Variants in TNN observed in about 807,000 individuals in gnomAD.
TNN encodes tenascin-N.
TNN carries 122 observed loss-of-function variants against 134.4 expected under a neutral mutation model. The observed-to-expected ratio is 0.91, with a 90% CI of 0.78 to 1.06. TNN has a LOEUF of 1.06. TNN is among the 50% of genes least tolerant of loss of function. The probability of loss-of-function intolerance (pLI) is 0.00; values close to 1 mark genes in which losing one functional copy is unlikely to be tolerated. For synonymous variants in TNN, 710 were observed against 670.3 expected, an observed-to-expected ratio of 1.06 and a Z score of -0.91; for missense variants, 1,739 against 1,699.4, an observed-to-expected ratio of 1.02 and a Z score of -0.41.
chr1:175,127,285 C>A (rs1322374831), intron 13 of TNN, among the ~76,000 whole-genome samples, 200 bp downstream of exon 13: 1 of 152,224 alleles, frequency 6.6e-6, no homozygotes, highest in Non-Finnish European at 1.5e-5. Context: ...TTGTCTGTTT[C>A]ATTTATCACC....
chr1:175,111,486 CAAAAAAAAA>C (rs59538028), intron 9 of TNN, among the ~76,000 whole-genome samples: 1 of 62,512 alleles, frequency 1.6e-5, no homozygotes, highest in Non-Finnish European at 2.8e-5. Context: ...GACTCTGTCT[CAAAAAAAAA>C]AAAAAAAAAA....
At chr1:175,085,223 A>C (rs761026038) in intron 5 of TNN, among the ~76,000 whole-genome samples, 182 bp from the exon 6 acceptor site, 1 of 152,202 alleles carries the variant, frequency 6.6e-6, no homozygotes, top group Non-Finnish European at 1.5e-5. Flanking sequence ...AAGCCCCCTC[A>C]GTGACACCTC....
chr1:175,095,793 C>T (rs529310584), intron 7 of TNN, among the ~76,000 whole-genome samples: 59 of 152,180 alleles, frequency 3.9e-4, no homozygotes, highest in Non-Finnish European at 5.6e-4. Flanking sequence ...AGGCTGGTCT[C>T]GAACTCCTGA....
intron 1 of TNN, among the ~76,000 whole-genome samples, chr1:175,076,080 A>T (rs6703193): frequency 0.29 from 43,840 of 152,102 alleles, 8,022 homozygotes; most frequent in African/African-American, 0.52. Flanking sequence ...CCTGTGAGCA[A>T]AATGTGAGGT....
At chr1:175,097,818 T>C in intron 8 of TNN, 135 bp downstream of exon 8, 1 of 1,235,776 alleles carries the variant, frequency 8.1e-7, no homozygotes, top group Non-Finnish European at 1.1e-6. Context: ...GACTGAGCTC[T>C]CGTGGTGATG....
intron 1 of TNN, among the ~76,000 whole-genome samples, chr1:175,072,378 C>T (rs1673934384): frequency 2.0e-5 from 3 of 152,158 alleles, no homozygotes; most frequent in Non-Finnish European, 2.9e-5. Flanking sequence ...CATGTAAATG[C>T]CCTTCGCTTC....
chr1:175,080,377 C>T lies in TNN; in HGVS notation c.999C>T (p.Asn333=), dbSNP rs376474190. The change falls in exon 4 of 19, where the codon AAC becomes AAT. Residue 333 remains asparagine, a synonymous_variant. Coordinates refer to ENST00000239462, the MANE Select transcript of TNN (RefSeq NM_022093.2). ...CCAAGTACATAGTCACCCTGCGTAA[C>T]GTCAAGAATGAAGTTTCTAGCAGCC... is the stretch of plus-strand genomic sequence containing the variant. ...PGTKYIVTLR[N]VKNEVSSSPQ... is the part of the protein sequence containing the mutation. 117 of 1,613,930 alleles carry T rather than the reference C, an allele frequency of 7.2e-5. No homozygotes were observed. The highest frequency in any genetic ancestry group is 9.0e-5 in the Non-Finnish European group (106 of 1,179,972).
intron 7 of TNN, 50 bp downstream of exon 7, chr1:175,094,303 G>A (rs753996366): frequency 1.4e-6 from 2 of 1,460,330 alleles, no homozygotes; most frequent in African/African-American, 2.8e-5. Flanking sequence ...CAGGGAGAAG[G>A]TTGATTTTTG....
intron 9 of TNN, among the ~76,000 whole-genome samples, chr1:175,113,831 T>C (rs947261169): frequency 3.3e-5 from 5 of 152,092 alleles, no homozygotes; most frequent in African/African-American, 1.2e-4. Flanking sequence ...TTTTTCTGCT[T>C]GATCAAGTCT....
intron 6 of TNN, among the ~76,000 whole-genome samples, chr1:175,093,579 A>G (rs1249557975): frequency 6.6e-6 from 1 of 152,138 alleles, no homozygotes; most frequent in Non-Finnish European, 1.5e-5. Flanking sequence ...TTTGGAAGCA[A>G]TGAACAGGGG....
At chr1:175,069,173 G>A (rs1278148790) in intron 1 of TNN, among the ~76,000 whole-genome samples, 2 of 152,122 alleles carry the variant, frequency 1.3e-5, no homozygotes, top group African/African-American at 4.8e-5. Flanking sequence ...AAATCCACTG[G>A]TTCTTGGAAA....
At chr1:175,125,609 TTCTCTC>T (rs749853192) in intron 12 of TNN, among the ~76,000 whole-genome samples, 1 of 146,586 alleles carries the variant, frequency 6.8e-6, no homozygotes, top group African/African-American at 2.5e-5. Context: ...CTTTCTTTCT[TTCTCTC>T]TCTCTCTCCC....
intron 17 of TNN, among the ~76,000 whole-genome samples, chr1:175,139,779 A>G (rs1405699746): frequency 6.6e-6 from 1 of 152,242 alleles, no homozygotes; most frequent in Non-Finnish European, 1.5e-5. Context: ...TGTTTACACC[A>G]AATCACCACA....
intron 15 of TNN, among the ~76,000 whole-genome samples, chr1:175,130,691 A>G (rs1675654986): frequency 6.6e-6 from 1 of 152,142 alleles, no homozygotes; most frequent in Admixed American, 6.5e-5. Context: ...TATTGCACAT[A>G]TATTTATTGA....
At chr1:175,135,789 C>A (rs1347320533) in intron 15 of TNN, 56 bp from the exon 16 acceptor site, 1 of 1,416,808 alleles carries the variant, frequency 7.1e-7, no homozygotes, top group Non-Finnish European at 1.0e-6. Context: ...TCTCTTGTCT[C>A]CCAGCACCTA....
At chr1:175,127,128 G>A (rs202053286) in intron 13 of TNN, 43 bp downstream of exon 13, 3 of 1,596,604 alleles carry the variant, frequency 1.9e-6, no homozygotes, top group African/African-American at 2.7e-5. Flanking sequence ...CTTCTCTTCT[G>A]TGTGAAGCAA....
intron 7 of TNN, among the ~76,000 whole-genome samples, chr1:175,096,812 A>G (rs1262496387): frequency 6.6e-6 from 1 of 152,198 alleles, no homozygotes; most frequent in African/African-American, 2.4e-5. Context: ...GGCTTGTCCA[A>G]AGTTAGCCAC....
Position 175,142,377 on chromosome 1 carries a change from G to A in TNN, c.3596-2010G>A, listed in dbSNP as rs544533524. ...TATTCACCCCACCCACTCCAAAAACGTTTTTGAGAGCAAGGACCTTCTTAT... is the reference window on the plus strand; with the variant it reads ...TATTCACCCCACCCACTCCAAAAACATTTTTGAGAGCAAGGACCTTCTTAT... On this transcript the variant is annotated intron_variant, in intron 17 of 18. Coordinates refer to ENST00000239462, the MANE Select transcript of TNN (RefSeq NM_022093.2). Among the ~76,000 whole-genome samples, 5 of 152,264 alleles carry A rather than the reference G, an allele frequency of 3.3e-5. No homozygotes were observed. In the East Asian group the frequency reaches 9.6e-4, roughly 29 times the overall value.
intron 9 of TNN, among the ~76,000 whole-genome samples, chr1:175,108,943 G>C (rs1482702013): frequency 6.6e-6 from 1 of 152,126 alleles, no homozygotes; most frequent in Non-Finnish European, 1.5e-5. Flanking sequence ...CTCAAATGCT[G>C]CCAAAGTGGG....
Sources: gnomAD v4.1 joint callset for allele counts (sites outside exome capture counted in the v4.1 genomes callset) on GRCh38, gnomAD v4.1.1 for gene constraint, MANE v1.5 for transcripts, NCBI Gene and HGNC (gene_info 2026-07-23, HGNC 2026-07-21) for gene names.